Variants in CWF19L2 observed in about 807,000 individuals in gnomAD.
The protein encoded by CWF19L2 is CWF19 like cell cycle control factor 2, also known as CWF19-like protein 2.
Under a neutral mutation model 111.7 loss-of-function variants are expected in CWF19L2, and 98 were observed. That is an observed-to-expected ratio of 0.88 (90% CI 0.75 to 1.04). The LOEUF (loss-of-function observed/expected upper bound fraction) is 1.04, where lower values mean the gene tolerates loss of function less well. Ranked by LOEUF, CWF19L2 falls within the 50% of genes least tolerant of loss-of-function variation. The pLI is 0.00. For missense variants in CWF19L2, 1,101 were observed against 1,051.4 expected (o/e 1.05, Z -0.65); for synonymous variants, 351 against 342.9 (o/e 1.02, Z -0.26).
chr11:107,425,631 T>G (rs1007512473), intron 8 of CWF19L2, among the ~76,000 whole-genome samples: 1 of 151,916 alleles, frequency 6.6e-6, no homozygotes, highest in Non-Finnish European at 1.5e-5. Context: ...ATTATTCTTG[T>G]GCTGGCAGTG....
Position 107,429,442 on chromosome 11 carries a change from T to C in CWF19L2, c.790A>G (p.Ile264Val). Reference sequence around the variant, plus strand: ...GCATCTTCTAATTTTGACTGAAATATTTCCATTGACTACAAAGGAGAAAAA... The same window carrying C: ...GCATCTTCTAATTTTGACTGAAATACTTCCATTGACTACAAAGGAGAAAAA... ...IVAERYGSME[I>V]FQSKLEDAEK... Residue 264 changes from isoleucine (I) to valine (V), a missense_variant, in exon 8 of 18, where the codon ATA becomes GTA. Transcript: ENST00000282251. 1 of 1,549,420 alleles carries C rather than the reference T, an allele frequency of 6.5e-7. No homozygotes were observed. Among genetic ancestry groups the C allele is most frequent in the Non-Finnish European group, 8.7e-7 (1 of 1,148,406 alleles).
At chr11:107,444,367 A>C (rs1358853390) in intron 3 of CWF19L2, among the ~76,000 whole-genome samples, 10 of 152,144 alleles carry the variant, frequency 6.6e-5, no homozygotes, top group Admixed American at 6.5e-4. Context: ...TCAGCTCTCT[A>C]GACCTCTCTG....
chr11:107,350,899 G>T (rs1014287162), intron 13 of CWF19L2, among the ~76,000 whole-genome samples: 9 of 152,092 alleles, frequency 5.9e-5, no homozygotes, highest in African/African-American at 2.2e-4. Context: ...ATGTGAGGAG[G>T]ATGCATACCA....
intron 10 of CWF19L2, among the ~76,000 whole-genome samples, chr11:107,399,190 A>G (rs1328988382): frequency 6.6e-6 from 1 of 152,228 alleles, no homozygotes; most frequent in Non-Finnish European, 1.5e-5. Context: ...AACAAAGAGC[A>G]TAAGAAAAGT....
intron 7 of CWF19L2, among the ~76,000 whole-genome samples, chr11:107,429,947 T>C (rs1413152614): frequency 6.6e-6 from 1 of 151,952 alleles, no homozygotes; most frequent in East Asian, 1.9e-4. Flanking sequence ...GAATTCTCTA[T>C]ATTTTAGGAA....
chr11:107,395,517 T>C (rs1310562001), intron 10 of CWF19L2, among the ~76,000 whole-genome samples: 1 of 152,244 alleles, frequency 6.6e-6, no homozygotes, highest in African/African-American at 2.4e-5. Context: ...TTTATAAAAC[T>C]ATTAATCCAT....
chr11:107,338,623 G>A (rs1326592569), intron 14 of CWF19L2, among the ~76,000 whole-genome samples: 1 of 152,010 alleles, frequency 6.6e-6, no homozygotes, highest in Non-Finnish European at 1.5e-5. Context: ...CATGTGTCCA[G>A]GTGTTCTCAT....
intron 12 of CWF19L2, among the ~76,000 whole-genome samples, chr11:107,379,841 C>T (rs1028239763): frequency 1.6e-4 from 24 of 151,800 alleles, no homozygotes; most frequent in African/African-American, 5.8e-4. Context: ...AGGTGGATCA[C>T]GAGCTCAGGA....
intron 14 of CWF19L2, among the ~76,000 whole-genome samples, chr11:107,339,974 C>T (rs534732163): frequency 2.6e-5 from 4 of 152,122 alleles, no homozygotes; most frequent in East Asian, 3.9e-4. Flanking sequence ...AGCCAATTTC[C>T]TAATTGGATT....
intron 4 of CWF19L2, 102 bp downstream of exon 4, chr11:107,442,837 G>T (rs1397460970): frequency 7.5e-6 from 4 of 532,394 alleles, no homozygotes; most frequent in Non-Finnish European, 9.9e-6. Context: ...AGGGAGAGAG[G>T]GACAGAGAGG....
At chr11:107,339,106 T>C (rs112369212) in intron 14 of CWF19L2, among the ~76,000 whole-genome samples, 2 of 152,178 alleles carry the variant, frequency 1.3e-5, no homozygotes, top group Non-Finnish European at 2.9e-5. Flanking sequence ...TAGTAGCCAT[T>C]AGGCTTTTTT....
At chr11:107,434,644 C>A (rs1861514200) in intron 6 of CWF19L2, among the ~76,000 whole-genome samples, 1 of 138,814 alleles carries the variant, frequency 7.2e-6, no homozygotes. Context: ...TGATATATTC[C>A]TAAAATATAC....
chr11:107,354,723 C>T (rs1475796270), intron 12 of CWF19L2, among the ~76,000 whole-genome samples: 3 of 152,108 alleles, frequency 2.0e-5, no homozygotes, highest in African/African-American at 7.2e-5. Context: ...TCTCAGCCAC[C>T]CATAAAGAAT....
At position 107,418,189 on chromosome 11, in the gene CWF19L2, C is replaced by T; in HGVS notation, c.1527+5G>A. 3 of 1,550,354 alleles carry T rather than the reference C, an allele frequency of 1.9e-6. No individual in the cohort carries two copies. Among genetic ancestry groups the T allele is most frequent in the Non-Finnish European group, 2.7e-6 (3 of 1,122,046 alleles). The stretch of plus-strand genomic sequence containing the variant: ...ATTCTCTAAAGCAACATCTAAGAGT[C>T]TTACCATATTCCCCATCATCTCTGC... On this transcript the variant is annotated splice_donor_5th_base_variant and intron_variant, in intron 9 of 17. Coordinates refer to ENST00000282251, the MANE Select transcript of CWF19L2 (RefSeq NM_152434.3).
At chr11:107,447,626 A>C (rs1861719368) in intron 3 of CWF19L2, among the ~76,000 whole-genome samples, 1 of 152,232 alleles carries the variant, frequency 6.6e-6, no homozygotes. Context: ...ACAAAACTTA[A>C]AAACAATCCT....
At chr11:107,355,402 C>T (rs1238108207) in intron 12 of CWF19L2, among the ~76,000 whole-genome samples, 13 of 136,956 alleles carry the variant, frequency 9.5e-5, no homozygotes, top group South Asian at 7.2e-4. Context: ...GCGACAAGAG[C>T]GAAACTCCGT....
At chr11:107,447,955 A>T (rs1169323641) in intron 3 of CWF19L2, among the ~76,000 whole-genome samples, 1 of 152,230 alleles carries the variant, frequency 6.6e-6, no homozygotes, top group African/African-American at 2.4e-5. Context: ...AACATTAGAA[A>T]GATCCAAACG....
intron 10 of CWF19L2, 131 bp from the exon 11 acceptor site, chr11:107,393,026 G>T (rs1406241160): frequency 1.0e-5 from 6 of 576,544 alleles, no homozygotes; most frequent in Non-Finnish European, 1.8e-5. Context: ...AAATCTCCTG[G>T]ATTTTCATTA....
chr11:107,350,494 C>T (rs931777386), intron 13 of CWF19L2, among the ~76,000 whole-genome samples: 1 of 152,038 alleles, frequency 6.6e-6, no homozygotes, highest in African/African-American at 2.4e-5. Context: ...CACCATGTAA[C>T]GACACACCAA....
Sources: gnomAD v4.1 joint callset for allele counts (sites outside exome capture counted in the v4.1 genomes callset) on GRCh38, gnomAD v4.1.1 for gene constraint, MANE v1.5 for transcripts, NCBI Gene and HGNC (gene_info 2026-07-23, HGNC 2026-07-21) for gene names.